The following ADH5 variants were observed in gnomAD, a reference collection of about 807,000 sequenced individuals.
ADH5 encodes alcohol dehydrogenase class-3.
A neutral mutation model predicts 40.3 loss-of-function variants in ADH5; 32 were observed. That is an observed-to-expected ratio of 0.79 (90% CI 0.60 to 1.07). The LOEUF (loss-of-function observed/expected upper bound fraction) is 1.07, where lower values mean the gene tolerates loss of function less well. Ranked by LOEUF, ADH5 falls within the 50% of genes least tolerant of loss-of-function variation. The pLI, the probability that ADH5 is intolerant of heterozygous loss-of-function variation, is 0.00. For synonymous variants in ADH5, 125 were observed against 154.3 expected (o/e 0.81, Z 1.41); for missense variants, 353 against 460.5 (o/e 0.77, Z 2.14).
chr4:99,077,352 A>G (rs371589173), intron 4 of ADH5, among the ~76,000 whole-genome samples: 1 of 152,106 alleles, frequency 6.6e-6, no homozygotes, highest in Non-Finnish European at 1.5e-5. Flanking sequence ...GCAACACCCT[A>G]TCTCTACAAA....
At position 99,072,663 on chromosome 4, in the gene ADH5, G is replaced by A. The variant is rs1373460778; in HGVS notation, c.1010C>T (p.Ser337Phe). The A allele has an allele frequency of 2.5e-6, 4 of 1,613,160 alleles. No individual in the cohort carries two copies. The highest frequency in any genetic ancestry group is 3.3e-5 in the Admixed American group (2 of 59,954). ...SVPKLVSEYMSKKIKVDEFVT... is the reference protein window; with the variant it reads ...SVPKLVSEYMFKKIKVDEFVT... ...AAATTCATCAACTTTTATCTTTTTG[G>A]ACATATATTCAGACACCAACTTTGG... Residue 337 changes from serine (S) to phenylalanine (F), a missense_variant, in exon 8 of 9, where the codon TCC becomes TTC. Coordinates refer to ENST00000296412, the MANE Select transcript of ADH5 (RefSeq NM_000671.4).
At chr4:99,073,201 C>A (rs1282894235) in intron 7 of ADH5, among the ~76,000 whole-genome samples, 1 of 152,170 alleles carries the variant, frequency 6.6e-6, no homozygotes, top group African/African-American at 2.4e-5. Context: ...GTTTTTGAGA[C>A]GGAGTCTCGC....
rs143037066 is a variant in ADH5, at chr4:99,086,889, G to A, written c.13-1673C>T. Among the ~76,000 whole-genome samples, 866 of 129,314 alleles carry A rather than the reference G, an allele frequency of 6.7e-3. 26 individuals are homozygous for A. Among genetic ancestry groups the A allele is most frequent in the African/African-American group, 0.025 (789 of 31,910 alleles). 84.8% of individuals were successfully genotyped at this position (129,314 alleles called of 152,430 possible). On this transcript the variant is annotated intron_variant, in intron 1 of 8. Transcript: ENST00000296412. ...CAGGAGGCGGAGCTTGTAGTGAGCC[G>A]AGATCGCGCCACTGCACTCCAGCCT...
At chr4:99,088,015 A>G (rs1043256514) in intron 1 of ADH5, among the ~76,000 whole-genome samples, 2 of 152,230 alleles carry the variant, frequency 1.3e-5, no homozygotes, top group African/African-American at 4.8e-5. Context: ...GTCATAGAGG[A>G]GCAGACCTGG....
In ADH5 at chr4:99,082,036, C is replaced by T; in HGVS notation, c.195G>A (p.Leu65=). ...CCACAATTCCAGCACCTTCATGTCCCAAGATCACTGGAAAACAACCCTCAG... is the reference window on the plus strand; with the variant it reads ...CCACAATTCCAGCACCTTCATGTCCTAAGATCACTGGAAAACAACCCTCAG... ...ADPEGCFPVI[L]GHEGAGIVES... Residue 65 remains leucine, a synonymous_variant, in exon 3 of 9, where the codon TTG becomes TTA. Transcript: ENST00000296412. The T allele has an allele frequency of 1.2e-6, 2 of 1,613,938 alleles. No individual in the cohort carries two copies. The highest frequency in any genetic ancestry group is 1.3e-5 in the African/African-American group (1 of 75,046).
chr4:99,076,089 A>T (rs1157219020), intron 6 of ADH5: 1 of 575,426 alleles, frequency 1.7e-6, no homozygotes, highest in Non-Finnish European at 3.0e-6. Flanking sequence ...TTGAAAGGCA[A>T]AGAAACATCT....
At chr4:99,073,521 C>A (rs536474984) in intron 7 of ADH5, among the ~76,000 whole-genome samples, 5 of 152,356 alleles carry the variant, frequency 3.3e-5, no homozygotes, top group Admixed American at 3.3e-4. Context: ...CAATTTCTCA[C>A]TGTATCTAAA....
At chr4:99,085,698 G>A (rs538674869) in intron 1 of ADH5, 13 of 177,648 alleles carry the variant, frequency 7.3e-5, no homozygotes, top group Admixed American at 2.4e-4. Flanking sequence ...TAACTGCACC[G>A]GCCAATACAG....
chr4:99,087,214 T>G (rs1217571314), intron 1 of ADH5, among the ~76,000 whole-genome samples: 1 of 151,930 alleles, frequency 6.6e-6, no homozygotes, highest in Non-Finnish European at 1.5e-5. Flanking sequence ...CGAAACCCCG[T>G]CTCTACTAAA....
intron 2 of ADH5, among the ~76,000 whole-genome samples, chr4:99,083,194 C>A (rs1373159311): frequency 6.6e-6 from 1 of 152,110 alleles, no homozygotes; most frequent in Non-Finnish European, 1.5e-5. Context: ...TTAATACATC[C>A]AGGACAAACA....
intron 2 of ADH5, among the ~76,000 whole-genome samples, chr4:99,083,365 T>G (rs1022471941): frequency 2.0e-5 from 3 of 151,944 alleles, no homozygotes; most frequent in Non-Finnish European, 4.4e-5. Context: ...TTTGGGAGGC[T>G]GAGGCGTGTG....
chr4:99,072,348 G>C lies in ADH5; in HGVS notation c.*69C>G. The C allele has an allele frequency of 6.7e-7, 1 of 1,495,634 alleles. No homozygotes were observed. The allele number at this position is 1,495,634 out of a possible 1,614,324, so 92.6% of individuals were successfully genotyped here. On this transcript the variant is annotated 3_prime_UTR_variant, in exon 9 of 9. Coordinates refer to ENST00000296412, the MANE Select transcript of ADH5 (RefSeq NM_000671.4). ...TCTACGAGGCTGTGAGGTTGGAGGCGCTTCTCCCTGCCTGTTAAGCTGCTC... is the reference window on the plus strand; with the variant it reads ...TCTACGAGGCTGTGAGGTTGGAGGCCCTTCTCCCTGCCTGTTAAGCTGCTC...
At chr4:99,079,212 A>C (rs558977114) in intron 4 of ADH5, among the ~76,000 whole-genome samples, 2 of 152,350 alleles carry the variant, frequency 1.3e-5, no homozygotes, top group African/African-American at 4.8e-5. Flanking sequence ...GAATGTTCCT[A>C]GCAGCATTAA....
intron 1 of ADH5, chr4:99,085,561 C>G: frequency 3.0e-6 from 1 of 337,178 alleles, no homozygotes. Context: ...TCCAAGAAAT[C>G]TGCATGCTTA....
intron 4 of ADH5, among the ~76,000 whole-genome samples, chr4:99,079,109 T>C (rs902710726): frequency 1.3e-5 from 2 of 152,232 alleles, no homozygotes; most frequent in Non-Finnish European, 2.9e-5. Context: ...GAGAGAGCTG[T>C]AGATGCATAT....
At position 99,088,717 on chromosome 4, in the gene ADH5, CG is replaced by C; in HGVS notation, c.-18del. The C allele has an allele frequency of 6.6e-7, 1 of 1,505,814 alleles. No individual in the cohort carries two copies. The highest frequency in any genetic ancestry group is 9.0e-7 in the Non-Finnish European group (1 of 1,114,582). The allele number at this position is 1,505,814 out of a possible 1,614,324, so 93.3% of individuals were successfully genotyped here. ...GTTCGCCATGTTCACGGATTCTGGT[CG>C]GCGCGGGGGGCTGACATCCGGGGTG... On this transcript the variant is annotated 5_prime_UTR_variant, in exon 1 of 9. The change abolishes the stop of an existing upstream ORF in the 5' untranslated region. Transcript: ENST00000296412.
At chr4:99,082,718 C>A (rs1337390956) in intron 2 of ADH5, among the ~76,000 whole-genome samples, 1 of 152,176 alleles carries the variant, frequency 6.6e-6, no homozygotes, top group Non-Finnish European at 1.5e-5. Flanking sequence ...GCTCTATCAC[C>A]CAGGCTGGAG....
chr4:99,086,857 G>A (rs1235874165), intron 1 of ADH5, among the ~76,000 whole-genome samples: 5 of 145,084 alleles, frequency 3.4e-5, no homozygotes, highest in Non-Finnish European at 7.4e-5. Flanking sequence ...GGAGAACGGC[G>A]TGAACCCAGG....
In ADH5 at chr4:99,076,315, A is replaced by C; in HGVS notation, c.802T>G (p.Cys268Gly). The change falls in exon 6 of 9, where the codon TGT becomes GGT. Residue 268 changes from cysteine to glycine, a missense_variant. Transcript: ENST00000296412. ...TDGGVDYSFE[C>G]IGNVKVMRAA... ...ACCATGACCTTCACATTACCAATAC[A>C]TTCAAAGGAATAGTCCACTCCTCCA... 4 of 1,614,068 alleles carry C rather than the reference A, an allele frequency of 2.5e-6. No homozygotes were observed. The highest frequency in any genetic ancestry group is 2.5e-6 in the Non-Finnish European group (3 of 1,179,910).
Sources: gnomAD v4.1 joint callset for allele counts (sites outside exome capture counted in the v4.1 genomes callset) on GRCh38, gnomAD v4.1.1 for gene constraint, MANE v1.5 for transcripts, NCBI Gene and HGNC (gene_info 2026-07-23, HGNC 2026-07-21) for gene names.